The following RMI1 variants were observed in gnomAD, a reference collection of about 807,000 sequenced individuals.
RMI1 encodes the protein RecQ mediated genome instability 1, also known as recQ-mediated genome instability protein 1.
Under a neutral mutation model 46.7 loss-of-function variants are expected in RMI1, and 36 were observed. The ratio of observed to expected loss-of-function variants is 0.77; its 90% confidence interval spans 0.59 to 1.02. The LOEUF is 1.02. RMI1 is among the 50% of genes least tolerant of loss of function. The probability of loss-of-function intolerance (pLI) is 0.00; values close to 1 mark genes in which losing one functional copy is unlikely to be tolerated. For missense variants in RMI1, 676 were observed against 713.7 expected, an observed-to-expected ratio of 0.95 and a Z score of 0.60; for synonymous variants, 250 against 252.9, an observed-to-expected ratio of 0.99 and a Z score of 0.11.
At chr9:83,985,744 C>T (rs1957479777) in intron 1 of RMI1, among the ~76,000 whole-genome samples, 1 of 152,174 alleles carries the variant, frequency 6.6e-6, no homozygotes, top group Non-Finnish European at 1.5e-5. Flanking sequence ...CGCGGTGGCT[C>T]ACGCCTGTAA....
At chr9:83,992,551 G>T (rs60035746) in intron 1 of RMI1, among the ~76,000 whole-genome samples, 3,133 of 152,184 alleles carry the variant, frequency 0.021, 94 homozygotes, top group African/African-American at 0.07. Context: ...AACCAAAAAG[G>T]CACAATATCA....
At chr9:83,981,117 G>C (rs1247466441) in intron 1 of RMI1, 3 of 152,286 alleles carry the variant, frequency 2.0e-5, no homozygotes, top group Non-Finnish European at 4.4e-5. Flanking sequence ...CGCAGCTGGC[G>C]GTTCTCGGCC....
intron 1 of RMI1, among the ~76,000 whole-genome samples, chr9:83,997,602 G>A (rs577207984): frequency 3.3e-5 from 5 of 151,808 alleles, no homozygotes; most frequent in Non-Finnish European, 7.4e-5. Flanking sequence ...TCTTCTCCTC[G>A]TCTGTGCCAC....
In RMI1 at chr9:84,003,020, T is replaced by C. The variant is rs1253607548; in HGVS notation, c.*156T>C. 4 of 523,600 alleles carry C rather than the reference T, an allele frequency of 7.6e-6. No homozygotes were observed. Among genetic ancestry groups the C allele is most frequent in the Non-Finnish European group, 1.4e-5 (4 of 296,188 alleles). 32.4% of individuals were successfully genotyped at this position (523,600 alleles called of 1,614,324 possible). Reference sequence around the variant, plus strand: ...AAAGTGTTTAATCATGTTTGTTATATGTGGAGCTTTTGAAAATAAGTTAAT... The same window carrying C: ...AAAGTGTTTAATCATGTTTGTTATACGTGGAGCTTTTGAAAATAAGTTAAT... On this transcript the variant is annotated 3_prime_UTR_variant, in exon 3 of 3. Coordinates refer to ENST00000445877, the MANE Select transcript of RMI1 (RefSeq NM_001358291.2).
At chr9:83,997,634 T>C (rs572494422) in intron 1 of RMI1, among the ~76,000 whole-genome samples, 221 of 151,946 alleles carry the variant, frequency 1.5e-3, no homozygotes, top group African/African-American at 5.1e-3. Flanking sequence ...AACAACCAGA[T>C]CTCAGGAGCA....
In RMI1 at chr9:84,002,158, G is replaced by C; in HGVS notation, c.1172G>C (p.Cys391Ser). 6.2e-7 allele frequency: 1 copy of C among 1,613,682 alleles called. No homozygotes were observed. The highest frequency in any genetic ancestry group is 8.5e-7 in the Non-Finnish European group (1 of 1,179,810). Residue 391 changes from cysteine to serine, a missense_variant, in exon 3 of 3, where the codon TGT becomes TCT. Coordinates refer to ENST00000445877, the MANE Select transcript of RMI1 (RefSeq NM_001358291.2). ...QMTNEDKSFGCPSVRDQNRSI... is the reference protein window; with the variant it reads ...QMTNEDKSFGSPSVRDQNRSI... Reference sequence around the variant, plus strand: ...ACTAATGAAGACAAATCATTTGGTTGTCCATCTGTTAGAGACCAAAACAGG... The same window carrying C: ...ACTAATGAAGACAAATCATTTGGTTCTCCATCTGTTAGAGACCAAAACAGG...
At chr9:83,996,585 G>T (rs1957657044) in intron 1 of RMI1, among the ~76,000 whole-genome samples, 3 of 152,040 alleles carry the variant, frequency 2.0e-5, no homozygotes, top group Admixed American at 2.0e-4. Flanking sequence ...CCATCTAGAG[G>T]TACTTTATGT....
chr9:83,988,045 T>A (rs1472537602), intron 1 of RMI1, among the ~76,000 whole-genome samples: 1 of 151,154 alleles, frequency 6.6e-6, no homozygotes, highest in Non-Finnish European at 1.5e-5. Context: ...GCCACCACAC[T>A]CAGTTTTTTA....
chr9:83,998,901 G>C (rs1352462078), intron 1 of RMI1, among the ~76,000 whole-genome samples: 2 of 152,198 alleles, frequency 1.3e-5, no homozygotes, highest in African/African-American at 2.4e-5. Context: ...AGGACTTTGG[G>C]AGGCTGAGGT....
intron 1 of RMI1, among the ~76,000 whole-genome samples, chr9:83,981,376 C>T (rs563496656): frequency 6.6e-6 from 1 of 152,214 alleles, no homozygotes; most frequent in Non-Finnish European, 1.5e-5. Flanking sequence ...CGTTGCAGAC[C>T]TCCACGTTCC....
At chr9:83,980,403 C>T (rs955234191), upstream of RMI1, 3 of 152,712 alleles carry the variant, frequency 2.0e-5, no homozygotes, top group African/African-American at 4.8e-5. Context: ...CCACTAAGGG[C>T]TCGAGAAAAC....
chr9:83,997,680 C>T (rs1180928787), intron 1 of RMI1, among the ~76,000 whole-genome samples: 1 of 152,100 alleles, frequency 6.6e-6, no homozygotes, highest in African/African-American at 2.4e-5. Flanking sequence ...GGGGGAAATC[C>T]ATCACCATGA....
rs759489327 is a variant in RMI1 at position 84,001,965 on chromosome 9, CAGAAAGAACAGATGGAAA to C, written c.980_997del (p.Gln327_Thr333delinsPro). 125 of 1,613,930 alleles carry C rather than the reference CAGAAAGAACAGATGGAAA, an allele frequency of 7.7e-5. No homozygotes were observed. In the South Asian group the frequency reaches 7.8e-4, roughly 10 times the overall value. On this transcript the variant is annotated inframe_deletion, in exon 3 of 3. Transcript: ENST00000445877. Reference sequence around the variant, plus strand: ...GGCCTTGCTTTTAGAAGAAACTGTCCAGAAAGAACAGATGGAAACTAAGGAATTGCAACCATTGACTTT... The same window carrying C: ...GGCCTTGCTTTTAGAAGAAACTGTCCCTAAGGAATTGCAACCATTGACTTT...
intron 1 of RMI1, among the ~76,000 whole-genome samples, chr9:83,983,871 T>C (rs556458436): frequency 1.3e-5 from 2 of 152,298 alleles, no homozygotes; most frequent in South Asian, 2.1e-4. Flanking sequence ...GTGTTCTTTT[T>C]CCCAACAAAA....
intron 1 of RMI1, among the ~76,000 whole-genome samples, chr9:83,995,069 G>A (rs181831714): frequency 6.6e-6 from 1 of 152,020 alleles, no homozygotes; most frequent in Non-Finnish European, 1.5e-5. Flanking sequence ...GCGAGATCTC[G>A]GCTCACCACA....
rs1321932368 is a variant in RMI1 at position 84,002,507 on chromosome 9, A to G, written c.1521A>G (p.Thr507=). 1 of 1,614,032 alleles carries G rather than the reference A, an allele frequency of 6.2e-7. No individual in the cohort carries two copies. The highest frequency in any genetic ancestry group is 8.5e-7 in the Non-Finnish European group (1 of 1,179,948). ...LMASKPKEVT[T]VKVKAFIVTL... is the part of the protein sequence containing the mutation. ...CCAGCAAACCAAAGGAAGTTACAACAGTGAAAGTGAAAGCATTTATTGTAA... is the reference window on the plus strand; with the variant it reads ...CCAGCAAACCAAAGGAAGTTACAACGGTGAAAGTGAAAGCATTTATTGTAA... Residue 507 remains threonine (T), a synonymous_variant, in exon 3 of 3, where the codon ACA becomes ACG. Transcript: ENST00000445877.
In RMI1 at chr9:84,001,020, A is replaced by T. The variant is rs774226764; in HGVS notation, c.34A>T (p.Thr12Ser). The T allele has an allele frequency of 1.9e-6, 3 of 1,612,496 alleles. No individual in the cohort carries two copies. Among genetic ancestry groups the T allele is most frequent in the Non-Finnish European group, 2.5e-6 (3 of 1,179,342 alleles). ...NVTSIALRAE[T>S]WLLAAWHVKV... Reference sequence around the variant, plus strand: ...GACTAGTATTGCATTAAGAGCTGAAACTTGGCTTTTAGCTGCATGGCATGT... The same window carrying T: ...GACTAGTATTGCATTAAGAGCTGAATCTTGGCTTTTAGCTGCATGGCATGT... The change falls in exon 3 of 3, where the codon ACT becomes TCT. Residue 12 changes from threonine to serine, a missense_variant. Coordinates refer to ENST00000445877, the MANE Select transcript of RMI1 (RefSeq NM_001358291.2).
Position 84,002,755 on chromosome 9 carries a change from G to A in RMI1, c.1769G>A (p.Cys590Tyr). The stretch of plus-strand genomic sequence containing the variant: ...CAAAGAGATCTAATAGATTTGTGCT[G>A]TCTAATGACTATTTCATTTAATCCT... Reference protein sequence around the residue: ...KCQRDLIDLCCLMTISFNPSL... With the variant: ...KCQRDLIDLCYLMTISFNPSL... The change falls in exon 3 of 3, where the codon TGT (cysteine) becomes TAT (tyrosine). Residue 590 changes from cysteine to tyrosine, a missense_variant. Cys to Tyr is a radical substitution (Grantham distance 194). Transcript: ENST00000445877. The A allele has an allele frequency of 3.7e-6, 6 of 1,613,586 alleles. No homozygotes were observed. Among genetic ancestry groups the A allele is most frequent in the Non-Finnish European group, 5.1e-6 (6 of 1,179,638 alleles).
At chr9:83,997,364 G>A (rs923525673) in intron 1 of RMI1, among the ~76,000 whole-genome samples, 62 of 151,826 alleles carry the variant, frequency 4.1e-4, no homozygotes, top group African/African-American at 1.4e-3. Context: ...TTCCACCTTG[G>A]CCTCCCAAAG....
Sources: allele counts gnomAD v4.1 joint callset (sites outside exome capture counted in the v4.1 genomes callset), GRCh38; gene constraint gnomAD v4.1.1; transcripts MANE v1.5; gene names NCBI Gene and HGNC (gene_info 2026-07-23, HGNC 2026-07-21).